The following ZNF341 variants were observed in gnomAD, a reference collection of about 807,000 sequenced individuals.
ZNF341 encodes zinc finger protein 341.
In ZNF341, 52 loss-of-function variants were observed where a neutral mutation model predicts 87.7. The observed-to-expected ratio is 0.59, with a 90% CI of 0.47 to 0.75. The LOEUF (loss-of-function observed/expected upper bound fraction) is 0.75. Among genes scored for constraint, ZNF341 ranks in the 30% least tolerant of loss-of-function variants. The probability of loss-of-function intolerance (pLI) is 0.00; values close to 1 mark genes in which losing one functional copy is unlikely to be tolerated. For synonymous variants in ZNF341, 459 were observed against 472.7 expected (o/e 0.97, Z 0.38); for missense variants, 977 against 1,145.9 (o/e 0.85, Z 2.13).
intron 8 of ZNF341, among the ~76,000 whole-genome samples, chr20:33,764,543 G>GTGTGTGTATATATATATATATATA (rs1332743148): frequency 3.0e-4 from 21 of 69,332 alleles, no homozygotes; most frequent in African/African-American, 1.3e-3. Context: ...GTGTGTATGT[G>GTGTGTGTATATATATATATATATA]TATATATATA....
chr20:33,771,035 T>C (rs921526605), intron 10 of ZNF341, among the ~76,000 whole-genome samples: 3 of 151,746 alleles, frequency 2.0e-5, no homozygotes, highest in Admixed American at 2.0e-4. Context: ...GGCAGGAGAA[T>C]GACGTGAACC....
At position 33,747,630 on chromosome 20, in the gene ZNF341, AAAAAAAAAAAAAC is replaced by A. The variant is rs1156745938; in HGVS notation, c.340-1291_340-1279del. Among the ~76,000 whole-genome samples, 53 of 132,668 alleles carry A rather than the reference AAAAAAAAAAAAAC, an allele frequency of 4.0e-4. 5 individuals carry two copies. The highest frequency in any genetic ancestry group is 1.5e-3 in the African/African-American group (39 of 26,332). 87.0% of individuals were successfully genotyped at this position (132,668 alleles called of 152,430 possible). ...ACTCCGTCTCAAAAAAAAAAAAAAAAAAAAAAAAAAAACACAGTCATTTTTCTCACTGCTTGAC... is the reference window on the plus strand; with the variant it reads ...ACTCCGTCTCAAAAAAAAAAAAAAAAACAGTCATTTTTCTCACTGCTTGAC... On this transcript the variant is annotated intron_variant, in intron 3 of 14. Coordinates refer to ENST00000375200, the MANE Select transcript of ZNF341 (RefSeq NM_001282933.2).
intron 13 of ZNF341, among the ~76,000 whole-genome samples, chr20:33,789,247 T>G (rs1419802531): frequency 6.6e-6 from 1 of 152,134 alleles, no homozygotes; most frequent in Non-Finnish European, 1.5e-5. Flanking sequence ...TTCGCCATGT[T>G]GCCTAGGCTG....
chr20:33,752,433 A>G (rs2019078942), intron 4 of ZNF341: 1 of 611,294 alleles, frequency 1.6e-6, no homozygotes. Context: ...CGCTTCTTGA[A>G]GCCACTCCAT....
intron 10 of ZNF341, among the ~76,000 whole-genome samples, chr20:33,776,716 TG>T (rs2019634618): frequency 1.3e-5 from 2 of 152,026 alleles, no homozygotes; most frequent in South Asian, 4.2e-4. Flanking sequence ...AGAGTCTCAC[TG>T]TGTTGTCCAG....
rs1007356728 is a variant in ZNF341, at chr20:33,758,719, C to A, written c.941C>A (p.Ala314Glu). ...CCTCCTTCCACTTGTCTTTCAGCTG[C>A]AGGGAAGCCAAAGGCTCAGAAACTC... The part of the protein sequence containing the change: ...AKGARGLPEA[A>E]GKPKAQKLKC... The change falls in exon 7 of 15, where the codon GCA (alanine) becomes GAA (glutamate). Residue 314 changes from alanine to glutamate, a missense_variant. Coordinates refer to ENST00000375200, the MANE Select transcript of ZNF341 (RefSeq NM_001282933.2). The A allele has an allele frequency of 1.2e-5, 20 of 1,613,160 alleles. No individual in the cohort carries two copies. The highest frequency in any genetic ancestry group is 1.7e-5 in the Non-Finnish European group (20 of 1,179,694).
At chr20:33,755,992 G>A (rs115006743) in intron 5 of ZNF341, among the ~76,000 whole-genome samples, 3,666 of 152,092 alleles carry the variant, frequency 0.024, 131 homozygotes, top group African/African-American at 0.083. Flanking sequence ...GGAGCCCGAG[G>A]TGGGTGGATC....
At chr20:33,764,218 G>A (rs960482419) in intron 8 of ZNF341, among the ~76,000 whole-genome samples, 8 of 149,924 alleles carry the variant, frequency 5.3e-5, no homozygotes, top group African/African-American at 2.0e-4. Context: ...AGTAGAGAAC[G>A]GTGTTTCACT....
chr20:33,782,968 C>T (rs2019774122), intron 11 of ZNF341, among the ~76,000 whole-genome samples: 1 of 152,064 alleles, frequency 6.6e-6, no homozygotes, highest in South Asian at 2.1e-4. Context: ...CCAGCCTAAC[C>T]AACATGGAGA....
At chr20:33,786,620 G>A (rs1054392688) in intron 12 of ZNF341, among the ~76,000 whole-genome samples, 1 of 152,272 alleles carries the variant, frequency 6.6e-6, no homozygotes, top group African/African-American at 2.4e-5. Context: ...GTAATGCATT[G>A]TAAGTTTGAT....
chr20:33,735,724 C>T (rs1281569719), intron 1 of ZNF341, among the ~76,000 whole-genome samples: 1 of 152,014 alleles, frequency 6.6e-6, no homozygotes, highest in Admixed American at 6.6e-5. Context: ...CCCCATTTCC[C>T]CTGGTGTAAC....
intron 1 of ZNF341, among the ~76,000 whole-genome samples, chr20:33,735,959 C>T (rs542568341): frequency 1.1e-3 from 174 of 151,868 alleles, no homozygotes; most frequent in African/African-American, 3.4e-3. Flanking sequence ...TTTTTTCACC[C>T]GTCATAATTC....
intron 9 of ZNF341, among the ~76,000 whole-genome samples, chr20:33,769,825 C>T (rs1030706513): frequency 4.6e-5 from 7 of 152,322 alleles, no homozygotes; most frequent in Middle Eastern, 3.4e-3. Flanking sequence ...GCAGGAGAAT[C>T]GCTTGAACCT....
At position 33,766,947 on chromosome 20, in the gene ZNF341, T is replaced by C; in HGVS notation, c.1319T>C (p.Leu440Pro). 1 of 1,614,204 alleles carries C rather than the reference T, an allele frequency of 6.2e-7. No homozygotes were observed. ...AAGCCGGAGTCCAAGCAGGTGGTCCTCATCGACAGCTCCTACCTGTGCCAA... is the reference window on the plus strand; with the variant it reads ...AAGCCGGAGTCCAAGCAGGTGGTCCCCATCGACAGCTCCTACCTGTGCCAA... ...GDKPESKQVV[L>P]IDSSYLCQFC... is the part of the protein sequence containing the mutation. The change falls in exon 9 of 15, where the codon CTC becomes CCC. Residue 440 changes from leucine to proline, a missense_variant. Transcript: ENST00000375200.
chr20:33,768,564 G>A (rs528767277), intron 9 of ZNF341, among the ~76,000 whole-genome samples: 2 of 151,368 alleles, frequency 1.3e-5, no homozygotes, highest in South Asian at 4.2e-4. Flanking sequence ...CTGGGATTAC[G>A]TGCATGCACC....
chr20:33,783,699 G>A lies in ZNF341; in HGVS notation c.1720-33G>A, dbSNP rs750762855. ...GATGGCCAGGGGAGGGGGGCCCGGT[G>A]AGTCAGACCTGAAGGCCCCTCTTCT... On this transcript the variant is annotated intron_variant, in intron 11 of 14. Transcript: ENST00000375200. 8.1e-6 allele frequency: 13 copies of A among 1,613,376 alleles called. No homozygotes were observed. The South Asian group carries it at 1.4e-4, about 18-fold the overall frequency.
At chr20:33,761,568 G>A (rs1347675093) in intron 7 of ZNF341, among the ~76,000 whole-genome samples, 1 of 152,178 alleles carries the variant, frequency 6.6e-6, no homozygotes, top group East Asian at 1.9e-4. Flanking sequence ...CAGGCCAGAA[G>A]TCCTCATTTA....
chr20:33,750,248 C>T (rs1297011902), intron 4 of ZNF341, among the ~76,000 whole-genome samples: 1 of 152,168 alleles, frequency 6.6e-6, no homozygotes, highest in Non-Finnish European at 1.5e-5. Context: ...TGAGCTACTG[C>T]ACCTGGCCAG....
At chr20:33,755,687 G>A (rs1270855285) in intron 5 of ZNF341, among the ~76,000 whole-genome samples, 4 of 149,562 alleles carry the variant, frequency 2.7e-5, no homozygotes, top group African/African-American at 9.9e-5. Flanking sequence ...CGATCTCCCA[G>A]GCTCAGATGA....
Sources: gnomAD v4.1 joint callset for allele counts (sites outside exome capture counted in the v4.1 genomes callset) on GRCh38, gnomAD v4.1.1 for gene constraint, MANE v1.5 for transcripts, NCBI Gene and HGNC (gene_info 2026-07-23, HGNC 2026-07-21) for gene names.